Variants in FAM168A observed in about 807,000 individuals in gnomAD.
FAM168A encodes family with sequence similarity 168 member A.
In FAM168A, 3 loss-of-function variants were observed where a neutral mutation model predicts 28.5. The ratio of observed to expected loss-of-function variants is 0.11; its 90% CI spans 0.05 to 0.27. The LOEUF is 0.27. FAM168A is among the 10% of genes least tolerant of loss of function. The probability of loss-of-function intolerance (pLI) is 1.00; values close to 1 mark genes in which losing one functional copy is unlikely to be tolerated. For synonymous variants in FAM168A, 122 were observed against 124.2 expected (o/e 0.98, Z 0.12); for missense variants, 222 against 311.5 (o/e 0.71, Z 2.16).
chr11:73,571,934 C>T (rs958284977), intron 1 of FAM168A, among the ~76,000 whole-genome samples: 1 of 151,590 alleles, frequency 6.6e-6, no homozygotes, highest in East Asian at 1.9e-4. Flanking sequence ...AGCGCCTCTG[C>T]CCAGCCACGA....
At chr11:73,418,521 C>T (rs942715083) in intron 4 of FAM168A, among the ~76,000 whole-genome samples, 1 of 152,232 alleles carries the variant, frequency 6.6e-6, no homozygotes, top group Admixed American at 6.5e-5. Context: ...ATTACCCAGC[C>T]TCAGGTATTT....
At chr11:73,430,811 AAAAC>A (rs747813920) in intron 2 of FAM168A, 41 bp from the exon 3 acceptor site, 35 of 1,302,140 alleles carry the variant, frequency 2.7e-5, no homozygotes, top group Non-Finnish European at 1.1e-5. Context: ...TTAGGCAAAA[AAAAC>A]AAAACAAAAC....
At chr11:73,566,006 T>G (rs1944017114) in intron 1 of FAM168A, among the ~76,000 whole-genome samples, 1 of 152,296 alleles carries the variant, frequency 6.6e-6, no homozygotes, top group East Asian at 1.9e-4. Context: ...CAAAGACACT[T>G]AAGTTTGCAT....
chr11:73,476,815 A>C (rs759678689), intron 1 of FAM168A, among the ~76,000 whole-genome samples: 11 of 152,202 alleles, frequency 7.2e-5, no homozygotes, highest in Non-Finnish European at 1.5e-4. Flanking sequence ...CATTCAAGAG[A>C]GGCTCAGAAG....
At chr11:73,474,304 T>C (rs77584707) in intron 1 of FAM168A, among the ~76,000 whole-genome samples, 1 of 151,686 alleles carries the variant, frequency 6.6e-6, no homozygotes, top group African/African-American at 2.4e-5. Flanking sequence ...AGAGAATCTA[T>C]TCCTGAAAGC....
At chr11:73,491,097 T>C (rs1942333110) in intron 1 of FAM168A, among the ~76,000 whole-genome samples, 1 of 152,232 alleles carries the variant, frequency 6.6e-6, no homozygotes, top group African/African-American at 2.4e-5. Context: ...ATTATATTTA[T>C]TCCTCATAAT....
At chr11:73,411,242 C>T in intron 5 of FAM168A, 152 bp downstream of exon 5, 1 of 809,750 alleles carries the variant, frequency 1.2e-6, no homozygotes. Context: ...AAGCAGACTG[C>T]AGGGATATTG....
intron 1 of FAM168A, among the ~76,000 whole-genome samples, chr11:73,483,936 G>C (rs769327153): frequency 1.3e-5 from 2 of 152,188 alleles, no homozygotes; most frequent in African/African-American, 4.8e-5. Flanking sequence ...ATTGTATGGG[G>C]GAAGTATAAT....
intron 1 of FAM168A, among the ~76,000 whole-genome samples, chr11:73,508,688 G>A (rs543285129): frequency 1.3e-5 from 2 of 152,154 alleles, no homozygotes; most frequent in African/African-American, 4.8e-5. Context: ...ACGCACACAT[G>A]CCCTAATAGT....
chr11:73,582,435 T>A (rs113715000), intron 1 of FAM168A, among the ~76,000 whole-genome samples: 31,086 of 151,410 alleles, frequency 0.21, 5,211 homozygotes, highest in African/African-American at 0.47. Context: ...AGGCAGGAGA[T>A]TGGCATGAAC....
chr11:73,593,750 C>T (rs1944409414), intron 1 of FAM168A, among the ~76,000 whole-genome samples: 1 of 152,080 alleles, frequency 6.6e-6, no homozygotes, highest in Admixed American at 6.5e-5. Flanking sequence ...GAAATGCTTT[C>T]CATTGATTAT....
intron 1 of FAM168A, among the ~76,000 whole-genome samples, chr11:73,591,052 A>G (rs1944374880): frequency 6.6e-6 from 1 of 152,150 alleles, no homozygotes; most frequent in Admixed American, 6.5e-5. Context: ...GCTAAGGTAG[A>G]AGAATCACTT....
At chr11:73,568,686 G>A (rs929011299) in intron 1 of FAM168A, among the ~76,000 whole-genome samples, 2 of 152,140 alleles carry the variant, frequency 1.3e-5, no homozygotes, top group African/African-American at 4.8e-5. Flanking sequence ...CACAAGGTCA[G>A]GAGTTTGAGC....
intron 1 of FAM168A, among the ~76,000 whole-genome samples, chr11:73,543,487 C>T (rs1374048741): frequency 6.6e-6 from 1 of 152,072 alleles, no homozygotes; most frequent in Non-Finnish European, 1.5e-5. Flanking sequence ...TCTCAAACTC[C>T]CGACTTCAGG....
rs1180736289 is a variant in FAM168A, at chr11:73,545,014, A to ATT, written c.-19+52908_-19+52909insAA. Among the ~76,000 whole-genome samples the ATT allele has an allele frequency of 1.1e-4, 9 of 81,184 alleles. 2 individuals carry two copies. The highest frequency in any genetic ancestry group is 7.4e-4 in the African/African-American group (9 of 12,110). 53.3% of individuals were successfully genotyped at this position (81,184 alleles called of 152,430 possible). On this transcript the variant is annotated intron_variant, in intron 1 of 7. Transcript: ENST00000356467. ...ATATAGTATATATAATATACTATAT[A>ATT]TATAGTATATATAATATATATATAT...
chr11:73,552,006 T>G (rs1943835280), intron 1 of FAM168A, among the ~76,000 whole-genome samples: 1 of 152,218 alleles, frequency 6.6e-6, no homozygotes, highest in East Asian at 1.9e-4. Flanking sequence ...AGGAACGATC[T>G]CACATTTTTA....
intron 1 of FAM168A, among the ~76,000 whole-genome samples, chr11:73,474,832 A>G (rs1867865482): frequency 6.6e-6 from 1 of 152,216 alleles, no homozygotes; most frequent in Admixed American, 6.5e-5. Context: ...TAAAACTGTG[A>G]AAAAAGCTTC....
At chr11:73,493,711 G>A (rs954226575) in intron 1 of FAM168A, among the ~76,000 whole-genome samples, 2 of 152,036 alleles carry the variant, frequency 1.3e-5, no homozygotes, top group African/African-American at 2.4e-5. Context: ...GCCACCATGC[G>A]CAGCCTTGTT....
intron 1 of FAM168A, among the ~76,000 whole-genome samples, chr11:73,559,069 A>G (rs2134702368): frequency 6.6e-6 from 1 of 152,372 alleles, no homozygotes; most frequent in Middle Eastern, 3.4e-3. Flanking sequence ...ACTGTAGCAT[A>G]TCTATACAAT....
Sources: allele counts gnomAD v4.1 joint callset (sites outside exome capture counted in the v4.1 genomes callset), GRCh38; gene constraint gnomAD v4.1.1; transcripts MANE v1.5; gene names NCBI Gene and HGNC (gene_info 2026-07-23, HGNC 2026-07-21).